NTN5: variants seen among roughly 807,000 people sequenced by gnomAD.
NTN5 encodes the protein netrin-5.
Under a neutral mutation model 38.7 loss-of-function variants are expected in NTN5, and 42 were observed. The observed-to-expected ratio is 1.08, with a 90% CI of 0.85 to 1.40. The LOEUF (loss-of-function observed/expected upper bound fraction) is 1.40, where lower values mean the gene tolerates loss of function less well. Among genes scored for constraint, NTN5 ranks in the 40% most tolerant of loss-of-function variants. The pLI is 0.00. For missense variants in NTN5, 658 were observed against 716.5 expected, an observed-to-expected ratio of 0.92 and a Z score of 0.93; for synonymous variants, 329 against 303.9, an observed-to-expected ratio of 1.08 and a Z score of -0.86.
At position 48,664,748 on chromosome 19, in the gene NTN5, G is replaced by T. The variant is rs17851884; in HGVS notation, c.651C>A (p.His217Gln). The change falls in exon 3 of 7, where the codon CAC becomes CAA. Residue 217 changes from histidine (H) to glutamine (Q), a missense_variant. Physicochemically the swap from His to Gln is conservative, Grantham distance 24. Coordinates refer to ENST00000270235, the MANE Select transcript of NTN5 (RefSeq NM_145807.4). ...CAGAGTTGAACCGGCAGCGTCGGGC[G>T]TGCTGGTTGCAGGAGCAGGCTAGGA... ...HPCLPCSCNQ[H>Q]ARRCRFNSEL... 6.4e-7 allele frequency: 1 copy of T among 1,567,652 alleles called. No individual in the cohort carries two copies. Among genetic ancestry groups the T allele is most frequent in the Non-Finnish European group, 8.6e-7 (1 of 1,157,224 alleles).
intron 4 of NTN5, 140 bp from the exon 5 acceptor site, chr19:48,663,954 GC>G (rs2031619160): frequency 8.9e-7 from 1 of 1,125,714 alleles, no homozygotes; most frequent in East Asian, 2.5e-5. Context: ...TTGCCTTCAG[GC>G]CCCAAGCCTC....
chr19:48,665,158 G>A (rs1243921343), intron 2 of NTN5, among the ~76,000 whole-genome samples: 1 of 151,788 alleles, frequency 6.6e-6, no homozygotes, highest in Non-Finnish European at 1.5e-5. Flanking sequence ...CTTTTAAATG[G>A]GTAGGCCGGG....
Position 48,661,728 on chromosome 19 carries a change from T to A in NTN5, c.1419A>T (p.Gly473=), listed in dbSNP as rs764499894. 2 of 1,545,588 alleles carry A rather than the reference T, an allele frequency of 1.3e-6. No homozygotes were observed. Among genetic ancestry groups the A allele is most frequent in the Admixed American group, 1.9e-5 (1 of 53,122 alleles). The part of the protein sequence containing the change: ...LKRLQQEERA[G]GCRGVRAPTP... Reference sequence around the variant, plus strand: ...TGGGTGCCCGCACGCCGCGGCAGCCTCCGGCGCGCTCCTCCTGCTGCAGCC... The same window carrying A: ...TGGGTGCCCGCACGCCGCGGCAGCCACCGGCGCGCTCCTCCTGCTGCAGCC... The change falls in exon 7 of 7, where the codon GGA becomes GGT. Residue 473 remains glycine (G), a synonymous_variant. Coordinates refer to ENST00000270235, the MANE Select transcript of NTN5 (RefSeq NM_145807.4).
chr19:48,672,386 G>T (rs1457822006), intron 1 of NTN5, among the ~76,000 whole-genome samples: 1 of 152,274 alleles, frequency 6.6e-6, no homozygotes, highest in Admixed American at 6.5e-5. Context: ...CTGAATCTGC[G>T]CCCAGGAATG....
rs1381681747 is a variant in NTN5, at chr19:48,664,685, A to G, written c.714T>C (p.Val238=). The G allele has an allele frequency of 1.9e-6, 3 of 1,610,616 alleles. No homozygotes were observed. The highest frequency in any genetic ancestry group is 2.2e-5 in the South Asian group (2 of 90,616). The part of the protein sequence containing the change: ...FRLSGGRSGG[V]CERCRHHTAG... ...CTGTGTGGTGGCGGCACCGCTCACA[A>G]ACACCCCCACTCCGGCCGCCCGACA... Residue 238 remains valine, a synonymous_variant, in exon 3 of 7, where the codon GTT becomes GTC. Transcript: ENST00000270235.
rs111252193 is a variant in NTN5, at chr19:48,670,406, C to T, written c.581G>A (p.Arg194Gln). ...PGCESCRPSH[R>Q]DWPWRPATPR... ...CGTGGCAGGCCGCCAGGGCCAGTCT[C>T]GATGGGACGGGCGGCAGCTCTCGCA... is the stretch of plus-strand genomic sequence containing the variant. Residue 194 changes from arginine to glutamine, a missense_variant, in exon 2 of 7, where the codon CGA becomes CAA. By Grantham distance (43) the Arg-to-Gln change is conservative (BLOSUM62 1). Coordinates refer to ENST00000270235, the MANE Select transcript of NTN5 (RefSeq NM_145807.4). The T allele has an allele frequency of 8.3e-4, 1,189 of 1,435,430 alleles. 9 individuals are homozygous for T. The African/African-American group carries it at 0.015, about 19-fold the overall frequency. The allele number at this position is 1,435,430 out of a possible 1,614,324, so 88.9% of individuals were successfully genotyped here.
intron 6 of NTN5, chr19:48,662,356 G>T: frequency 4.1e-6 from 1 of 246,396 alleles, no homozygotes. Flanking sequence ...TGGGAAGGAG[G>T]GGTCACATTG....
At chr19:48,665,748 G>A (rs915012881) in intron 2 of NTN5, among the ~76,000 whole-genome samples, 2 of 151,920 alleles carry the variant, frequency 1.3e-5, no homozygotes, top group Non-Finnish European at 2.9e-5. Context: ...GAACCCAGGA[G>A]GTGGAGGTTG....
chr19:48,663,264 G>A (rs748361605), intron 6 of NTN5, 199 bp downstream of exon 6: 1 of 687,062 alleles, frequency 1.5e-6, no homozygotes. Context: ...GGAGACACAG[G>A]AAGGTAGTGA....
chr19:48,667,118 G>A (rs145512700), intron 2 of NTN5, among the ~76,000 whole-genome samples: 24 of 152,172 alleles, frequency 1.6e-4, no homozygotes, highest in Admixed American at 1.4e-3. Context: ...GGTTTTTGTG[G>A]GCATTCAAAG....
chr19:48,666,097 G>A (rs2031698149), intron 2 of NTN5, among the ~76,000 whole-genome samples: 1 of 152,218 alleles, frequency 6.6e-6, no homozygotes, highest in Non-Finnish European at 1.5e-5. Context: ...ATCTCCACAA[G>A]GGCTCTGTGA....
At chr19:48,665,998 G>T (rs750349659) in intron 2 of NTN5, among the ~76,000 whole-genome samples, 3 of 152,206 alleles carry the variant, frequency 2.0e-5, no homozygotes, top group Non-Finnish European at 2.9e-5. Flanking sequence ...TGGATAAAAA[G>T]TGCATAGCCC....
rs150324611 is a variant in NTN5, at chr19:48,663,484, T to C, written c.1084A>G (p.Arg362Gly). The C allele has an allele frequency of 3.3e-3, 5,316 of 1,614,140 alleles. 8 individuals carry two copies. The highest frequency in any genetic ancestry group is 4.0e-3 in the Non-Finnish European group (4,700 of 1,179,980). The stretch of plus-strand genomic sequence containing the variant: ...TCACCATGGTCCTGCTGGCAGTACC[T>C]CCGAAGGCTCATGTGTACCCTGGTG... Reference protein sequence around the residue: ...SDTRVHMSLRRYCQQDHVLRA... With the variant: ...SDTRVHMSLRGYCQQDHVLRA... Residue 362 changes from arginine to glycine, a missense_variant, in exon 6 of 7, where the codon AGG becomes GGG. Physicochemically the swap from Arg to Gly is moderately radical, Grantham distance 125 (BLOSUM62 -2). Coordinates refer to ENST00000270235, the MANE Select transcript of NTN5 (RefSeq NM_145807.4).
rs769931733 is a variant in NTN5 at position 48,670,980 on chromosome 19, C to T, written c.7G>A (p.Val3Met). ...AGGAGGAGCAGGAGGGCAAAGGTCACGGGCATGGTCACAGCAGAGCCAGCA... is the reference window on the plus strand; with the variant it reads ...AGGAGGAGCAGGAGGGCAAAGGTCATGGGCATGGTCACAGCAGAGCCAGCA... MP[V>M]TFALLLLLGQ... The change falls in exon 2 of 7, where the codon GTG becomes ATG. Residue 3 changes from valine to methionine, a missense_variant. Val to Met is a conservative substitution (Grantham distance 21, BLOSUM62 1). Coordinates refer to ENST00000270235, the MANE Select transcript of NTN5 (RefSeq NM_145807.4). The T allele has an allele frequency of 1.6e-5, 24 of 1,529,974 alleles. No individual in the cohort carries two copies. The highest frequency in any genetic ancestry group is 4.2e-5 in the Admixed American group (2 of 48,004). The allele number at this position is 1,529,974 out of a possible 1,614,324, so 94.8% of individuals were successfully genotyped here. A position where few individuals can be genotyped will look rare whatever the true frequency, so the allele number is the denominator to read the frequency against.
intron 2 of NTN5, among the ~76,000 whole-genome samples, chr19:48,669,555 T>A (rs868144151): frequency 5.0e-4 from 1 of 2,010 alleles, no homozygotes; most frequent in Admixed American, 4.8e-3. Context: ...ACCACCACCA[T>A]CACCACCACC....
chr19:48,670,114 A>G (rs1285314437), intron 2 of NTN5, among the ~76,000 whole-genome samples: 2 of 151,726 alleles, frequency 1.3e-5, no homozygotes, highest in East Asian at 1.9e-4. Flanking sequence ...CATCATCACC[A>G]TCATCACAGG....
At chr19:48,669,834 CCATCACCACCACTACCAT>C in intron 2 of NTN5, among the ~76,000 whole-genome samples, 1 of 114,048 alleles carries the variant, frequency 8.8e-6, no homozygotes, top group African/African-American at 3.3e-5. Flanking sequence ...ACCACCATCA[CCATCACCACCACTACCAT>C]CACCACCACC....
chr19:48,669,888 CCAT>C, intron 2 of NTN5, among the ~76,000 whole-genome samples: 1 of 109,120 alleles, frequency 9.2e-6, no homozygotes. Context: ...ACTACCATCA[CCAT>C]CACCACCACC....
intron 2 of NTN5, 47 bp from the exon 3 acceptor site, chr19:48,664,814 T>G (rs978292472): frequency 1.4e-6 from 2 of 1,440,148 alleles, no homozygotes; most frequent in African/African-American, 2.9e-5. Flanking sequence ...AGTGTGCTGC[T>G]CCCCAGTCCT....
Sources: allele counts gnomAD v4.1 joint callset (sites outside exome capture counted in the v4.1 genomes callset), GRCh38; gene constraint gnomAD v4.1.1; transcripts MANE v1.5; gene names NCBI Gene and HGNC (gene_info 2026-07-23, HGNC 2026-07-21).